NFIB: variants seen among roughly 807,000 people sequenced by gnomAD.
NFIB encodes the protein nuclear factor I B, also known as nuclear factor 1 B-type.
Under a neutral mutation model 61.5 loss-of-function variants are expected in NFIB, and 11 were observed. That is an observed-to-expected ratio of 0.18 (90% CI 0.11 to 0.30). NFIB has a LOEUF of 0.30. Ranked by LOEUF, NFIB falls within the 10% of genes least tolerant of loss-of-function variation. The probability of loss-of-function intolerance (pLI) is 1.00; values close to 1 mark genes in which losing one functional copy is unlikely to be tolerated. For synonymous variants in NFIB, 260 were observed against 216.5 expected (o/e 1.20, Z -1.76); for missense variants, 471 against 608.9 (o/e 0.77, Z 2.38).
chr9:14,106,254 A>G (rs1255812023), intron 10 of NFIB, among the ~76,000 whole-genome samples: 1 of 152,196 alleles, frequency 6.6e-6, no homozygotes, highest in Non-Finnish European at 1.5e-5. Flanking sequence ...ACTCTCAAAA[A>G]GAACTGATCA....
intron 4 of NFIB, among the ~76,000 whole-genome samples, chr9:14,154,315 C>T (rs2043158318): frequency 6.6e-6 from 1 of 152,006 alleles, no homozygotes; most frequent in Non-Finnish European, 1.5e-5. Context: ...CAGAGAAGTA[C>T]AAATTTAAGC....
chr9:14,091,342 T>A (rs898294585), intron 10 of NFIB, among the ~76,000 whole-genome samples: 1 of 152,028 alleles, frequency 6.6e-6, no homozygotes, highest in East Asian at 1.9e-4. Context: ...GATTATTTAA[T>A]TTCAAAAATG....
the NFIB span, among the ~76,000 whole-genome samples, chr9:14,441,898 T>G: frequency 6.6e-6 from 1 of 152,246 alleles, no homozygotes. Context: ...CCTCAAGGGC[T>G]TATTACAAGG....
intron 1 of NFIB, among the ~76,000 whole-genome samples, chr9:14,379,202 CCAAA>C (rs1564043760): frequency 6.6e-6 from 1 of 152,134 alleles, no homozygotes; most frequent in Admixed American, 6.5e-5. Context: ...GTTTCTAATA[CCAAA>C]CAATGAATGA....
At chr9:14,275,126 T>C (rs1409781387) in intron 2 of NFIB, among the ~76,000 whole-genome samples, 1 of 152,174 alleles carries the variant, frequency 6.6e-6, no homozygotes, top group Non-Finnish European at 1.5e-5. Context: ...TCAACGGGCT[T>C]CAGTTGGCAA....
chr9:14,121,010 C>T (rs926493876), intron 7 of NFIB, among the ~76,000 whole-genome samples: 2 of 152,196 alleles, frequency 1.3e-5, no homozygotes, highest in Non-Finnish European at 2.9e-5. Flanking sequence ...CACCTGTAAT[C>T]CCAGCACTTT....
intron 2 of NFIB, among the ~76,000 whole-genome samples, chr9:14,282,416 A>G (rs2058431961): frequency 6.6e-6 from 1 of 152,210 alleles, no homozygotes; most frequent in African/African-American, 2.4e-5. Context: ...ATACAAAATT[A>G]TTTGTACAAT....
the NFIB span, among the ~76,000 whole-genome samples, chr9:14,424,663 C>G: frequency 6.6e-6 from 1 of 152,188 alleles, no homozygotes; most frequent in African/African-American, 2.4e-5. Flanking sequence ...ACTGCCTGCT[C>G]TCAGAGGCTG....
chr9:14,285,705 G>C (rs2058665715), intron 2 of NFIB, among the ~76,000 whole-genome samples: 1 of 152,252 alleles, frequency 6.6e-6, no homozygotes, highest in East Asian at 1.9e-4. Context: ...AGTCAAACAG[G>C]TGACTTTGCA....
chr9:14,360,323 G>A (rs1313505833), intron 1 of NFIB, among the ~76,000 whole-genome samples: 1 of 152,172 alleles, frequency 6.6e-6, no homozygotes, highest in Admixed American at 6.5e-5. Flanking sequence ...GAGGTCACTA[G>A]CAGTATGAAC....
chr9:14,237,410 G>A (rs749070689), intron 2 of NFIB, among the ~76,000 whole-genome samples: 4 of 152,090 alleles, frequency 2.6e-5, no homozygotes, highest in Admixed American at 2.0e-4. Flanking sequence ...AAAAAGTGCC[G>A]AAGGCCAGCA....
At chr9:14,091,451 A>C (rs1287398156) in intron 10 of NFIB, among the ~76,000 whole-genome samples, 1 of 152,094 alleles carries the variant, frequency 6.6e-6, no homozygotes, top group Non-Finnish European at 1.5e-5. Context: ...TATGGATAAA[A>C]TAAACACACA....
At chr9:14,127,310 G>A (rs1402785231) in intron 6 of NFIB, among the ~76,000 whole-genome samples, 1 of 152,112 alleles carries the variant, frequency 6.6e-6, no homozygotes, top group Admixed American at 6.5e-5. Context: ...ATAGTAAAAT[G>A]TTATAAAAAT....
At chr9:14,457,113 C>A in the NFIB span, among the ~76,000 whole-genome samples, 1 of 152,102 alleles carries the variant, frequency 6.6e-6, no homozygotes, top group East Asian at 1.9e-4. Flanking sequence ...TGCCATTGAT[C>A]TTAAAAAGGC....
Position 14,085,646 on chromosome 9 carries a change from C to G in NFIB, c.*2663G>C, listed in dbSNP as rs79737795. On this transcript the variant is annotated 3_prime_UTR_variant, in exon 11 of 11. Transcript: ENST00000380953. ...AAATTGAACTTTGATTTTAATCTATCAGTCCAAATACATTCAACAATAGCA... is the reference window on the plus strand; with the variant it reads ...AAATTGAACTTTGATTTTAATCTATGAGTCCAAATACATTCAACAATAGCA... 506 of 220,110 alleles carry G rather than the reference C, an allele frequency of 2.3e-3. 1 individual carries two copies. The highest frequency in any genetic ancestry group is 9.2e-3 in the African/African-American group (410 of 44,714). The allele number at this position is 220,110 out of a possible 1,614,324, so 13.6% of individuals were successfully genotyped here. A position where few individuals can be genotyped will look rare whatever the true frequency, so the allele number is the denominator to read the frequency against.
intron 1 of NFIB, chr9:14,321,906 AAGCAAACAAAACCCATC>A (rs1564007525): frequency 5.7e-6 from 7 of 1,231,726 alleles, no homozygotes. Flanking sequence ...CGAATAAAAG[AAGCAAACAAAACCCATC>A]AGTTCAAAGC....
chr9:14,277,587 A>G (rs760679882), intron 2 of NFIB, among the ~76,000 whole-genome samples: 3 of 152,242 alleles, frequency 2.0e-5, no homozygotes, highest in Non-Finnish European at 4.4e-5. Context: ...AGAATTAACA[A>G]CAACTTGTTT....
chr9:14,322,233 GCTTT>G (rs2060678521), intron 1 of NFIB: 1 of 736,078 alleles, frequency 1.4e-6, no homozygotes, highest in South Asian at 7.2e-5. Context: ...TGGATTTCCA[GCTTT>G]CTTTCCTCTC....
At chr9:14,465,957 C>A in the NFIB span, among the ~76,000 whole-genome samples, 1 of 152,164 alleles carries the variant, frequency 6.6e-6, no homozygotes, top group Non-Finnish European at 1.5e-5. Context: ...TCTAATGAAG[C>A]TCATGGAGGT....
Sources: gnomAD v4.1 joint callset for allele counts (sites outside exome capture counted in the v4.1 genomes callset) on GRCh38, gnomAD v4.1.1 for gene constraint, MANE v1.5 for transcripts, NCBI Gene and HGNC (gene_info 2026-07-23, HGNC 2026-07-21) for gene names.